The following DLGAP1 variants were observed in gnomAD, a reference collection of about 807,000 sequenced individuals.
DLGAP1 encodes disks large-associated protein 1.
In DLGAP1, 11 loss-of-function variants were observed where a neutral mutation model predicts 90.8. That is an observed-to-expected ratio of 0.12 (90% CI 0.08 to 0.20). The LOEUF (loss-of-function observed/expected upper bound fraction) is 0.20. Among genes scored for constraint, DLGAP1 ranks in the 10% least tolerant of loss-of-function variants. The probability of loss-of-function intolerance (pLI) is 1.00; values close to 1 mark genes in which losing one functional copy is unlikely to be tolerated. For synonymous variants in DLGAP1, 558 were observed against 540.7 expected (o/e 1.03, Z -0.44); for missense variants, 1,050 against 1,333.8 (o/e 0.79, Z 3.31).
At chr18:4,247,498 G>A (rs766966826) in intron 1 of DLGAP1, among the ~76,000 whole-genome samples, 11 of 152,060 alleles carry the variant, frequency 7.2e-5, no homozygotes, top group Non-Finnish European at 1.2e-4. Flanking sequence ...ATCCCAGGCC[G>A]GGTGCAGTGG....
At chr18:4,173,594 T>C (rs909568444) in intron 1 of DLGAP1, among the ~76,000 whole-genome samples, 1 of 152,198 alleles carries the variant, frequency 6.6e-6, no homozygotes, top group Non-Finnish European at 1.5e-5. Context: ...GCTCTACTTA[T>C]TAAAATTCAA....
chr18:4,417,193 G>T (rs138649276), intron 1 of DLGAP1, among the ~76,000 whole-genome samples: 216 of 152,226 alleles, frequency 1.4e-3, no homozygotes, highest in South Asian at 2.1e-3. Context: ...CAACCCACTG[G>T]TTGCAGAGAA....
intron 1 of DLGAP1, among the ~76,000 whole-genome samples, chr18:4,207,423 G>A (rs192910528): frequency 2.6e-5 from 4 of 152,236 alleles, no homozygotes; most frequent in Non-Finnish European, 4.4e-5. Context: ...GGGGATTACC[G>A]GAACTACAAT....
intron 1 of DLGAP1, among the ~76,000 whole-genome samples, chr18:4,355,287 T>C (rs957748637): frequency 6.6e-6 from 1 of 152,202 alleles, no homozygotes; most frequent in Non-Finnish European, 1.5e-5. Flanking sequence ...AAGGGAGCTG[T>C]TGATACACAC....
chr18:4,238,222 G>T (rs2078459063), intron 1 of DLGAP1, among the ~76,000 whole-genome samples: 1 of 152,152 alleles, frequency 6.6e-6, no homozygotes, highest in African/African-American at 2.4e-5. Context: ...AATATTGTGA[G>T]TTAAATGAGA....
chr18:4,089,885 A>G (rs1012865640), intron 2 of DLGAP1, among the ~76,000 whole-genome samples: 5 of 152,158 alleles, frequency 3.3e-5, no homozygotes, highest in Non-Finnish European at 5.9e-5. Context: ...CTCTACTAAA[A>G]ACACAAAAAA....
chr18:3,523,036 C>T (rs664225), intron 10 of DLGAP1, among the ~76,000 whole-genome samples: 43,998 of 151,958 alleles, frequency 0.29, 6,873 homozygotes, highest in East Asian at 0.53. Flanking sequence ...ATAAATGAGA[C>T]TGTGTAAAAT....
chr18:4,399,087 C>T (rs2082498903), intron 1 of DLGAP1, among the ~76,000 whole-genome samples: 1 of 152,206 alleles, frequency 6.6e-6, no homozygotes, highest in South Asian at 2.1e-4. Flanking sequence ...GCCTTGGCCT[C>T]CCAAAGTGCT....
chr18:4,088,429 T>TCGTGTGTGTGTGTG (rs71160943), intron 2 of DLGAP1, among the ~76,000 whole-genome samples: 2 of 148,346 alleles, frequency 1.3e-5, no homozygotes, highest in African/African-American at 2.6e-5. Flanking sequence ...TAATTTTCCT[T>TCGTGTGTGTGTGTG]TGTGTGTGTG....
Position 3,866,956 on chromosome 18 carries a change from T to C in DLGAP1, c.957+12156A>G, listed in dbSNP as rs145994605. Among the ~76,000 whole-genome samples, 630 of 152,308 alleles carry C rather than the reference T, an allele frequency of 4.1e-3. 9 individuals are homozygous for C. Among genetic ancestry groups the C allele is most frequent in the African/African-American group, 0.015 (611 of 41,574 alleles). ...ACCTCTGCTTCGCGGGTTCAAGCAA[T>C]TCTCCTGCCTCAGCTTCCCAAGGAC... is the stretch of plus-strand genomic sequence containing the variant. On this transcript the variant is annotated intron_variant, in intron 4 of 12. Coordinates refer to ENST00000315677, the MANE Select transcript of DLGAP1 (RefSeq NM_004746.4).
intron 1 of DLGAP1, among the ~76,000 whole-genome samples, chr18:4,273,858 T>C (rs487506): frequency 0.41 from 62,935 of 152,090 alleles, 16,768 homozygotes; most frequent in African/African-American, 0.77. Context: ...CTGGTAACAT[T>C]CCTACTTTTA....
intron 7 of DLGAP1, among the ~76,000 whole-genome samples, chr18:3,674,743 A>G (rs74200617): frequency 0.13 from 19,814 of 150,582 alleles, 1,629 homozygotes; most frequent in Non-Finnish European, 0.18. Context: ...ACCACGTCCA[A>G]CTCTACTCTT....
intron 1 of DLGAP1, among the ~76,000 whole-genome samples, chr18:4,231,076 A>G (rs1041902364): frequency 6.6e-6 from 1 of 152,068 alleles, no homozygotes; most frequent in African/African-American, 2.4e-5. Context: ...AAGATTACCT[A>G]CCAGGTAGTT....
chr18:4,089,976 C>T (rs935840129), intron 2 of DLGAP1, among the ~76,000 whole-genome samples: 6 of 152,028 alleles, frequency 3.9e-5, no homozygotes, highest in African/African-American at 7.2e-5. Context: ...ACCCGGGAGG[C>T]GGAGTTTGCA....
intron 3 of DLGAP1, among the ~76,000 whole-genome samples, chr18:3,884,975 C>G (rs933878856): frequency 1.3e-5 from 2 of 152,218 alleles, no homozygotes; most frequent in East Asian, 3.8e-4. Context: ...AAATCTTACA[C>G]TCTCTTCTAT....
intron 1 of DLGAP1, among the ~76,000 whole-genome samples, chr18:4,301,580 T>C (rs1330085242): frequency 6.6e-6 from 1 of 152,238 alleles, no homozygotes; most frequent in Non-Finnish European, 1.5e-5. Flanking sequence ...AACTTGGCTG[T>C]TGTGAACAAT....
intron 3 of DLGAP1, among the ~76,000 whole-genome samples, chr18:3,972,799 T>A (rs534343685): frequency 6.6e-6 from 1 of 152,308 alleles, no homozygotes; most frequent in Admixed American, 6.5e-5. Flanking sequence ...CCCCCTGCCC[T>A]GGCCAGCAAC....
Position 3,534,543 on chromosome 18 carries a change from C to T in DLGAP1, c.2130G>A (p.Leu710=), listed in dbSNP as rs757736029. 4.3e-6 allele frequency: 7 copies of T among 1,613,760 alleles called. No individual in the cohort carries two copies. The African/African-American group carries it at 9.3e-5, about 22-fold the overall frequency. The change falls in exon 10 of 13, where the codon CTG becomes CTA. Residue 710 remains leucine (L), a synonymous_variant. Coordinates refer to ENST00000315677, the MANE Select transcript of DLGAP1 (RefSeq NM_004746.4). ...VQADLDFHDN[L]ENSLESIEDN... ...CCTCTATAGATTCCAGAGAATTTTC[C>T]AGATTATCATGGAAGTCCAGGTCGG...
intron 2 of DLGAP1, among the ~76,000 whole-genome samples, chr18:4,119,607 C>T (rs74512894): frequency 0.04 from 6,125 of 152,200 alleles, 425 homozygotes; most frequent in African/African-American, 0.14. Flanking sequence ...CGAAGGCACA[C>T]AGGTTGTTCT....
Sources: allele counts gnomAD v4.1 joint callset (sites outside exome capture counted in the v4.1 genomes callset), GRCh38; gene constraint gnomAD v4.1.1; transcripts MANE v1.5; gene names NCBI Gene and HGNC (gene_info 2026-07-23, HGNC 2026-07-21).